AP4S1: variants seen among roughly 807,000 people sequenced by gnomAD.
AP4S1 encodes the protein adaptor related protein complex 4 subunit sigma 1.
In AP4S1, 23 loss-of-function variants were observed where a neutral mutation model predicts 19.8. That is an observed-to-expected ratio of 1.16 (90% CI 0.84 to 1.65). The LOEUF is 1.65. Among genes scored for constraint, AP4S1 ranks in the 40% most tolerant of loss-of-function variants. The probability of loss-of-function intolerance (pLI) is 0.00; values close to 1 mark genes in which losing one functional copy is unlikely to be tolerated. For missense variants in AP4S1, 166 were observed against 172.8 expected (o/e 0.96, Z 0.22); for synonymous variants, 46 against 54.1 (o/e 0.85, Z 0.66).
rs571483532 is a variant in AP4S1, at chr14:31,080,794, T to C, written c.306+210T>C. The C allele has an allele frequency of 1.7e-3, 1,219 of 718,426 alleles. 6 individuals carry two copies. Among genetic ancestry groups the C allele is most frequent in the Middle Eastern group, 8.5e-3 (35 of 4,112 alleles). 44.5% of individuals were successfully genotyped at this position (718,426 alleles called of 1,614,324 possible). ...TCAACAAGGCGATTCTTTTTTTTTCTTTTTAAGATGGAGTTTCGCTCTTCT... is the reference window on the plus strand; with the variant it reads ...TCAACAAGGCGATTCTTTTTTTTTCCTTTTAAGATGGAGTTTCGCTCTTCT... On this transcript the variant is annotated intron_variant, in intron 5 of 5. Coordinates refer to ENST00000542754, the MANE Select transcript of AP4S1 (RefSeq NM_001128126.3).
At chr14:31,063,798 G>T (rs1410337503) in intron 1 of AP4S1, among the ~76,000 whole-genome samples, 1 of 152,130 alleles carries the variant, frequency 6.6e-6, no homozygotes, top group African/African-American at 2.4e-5. Flanking sequence ...ACTAATATTG[G>T]TTTCTTAGTT....
intron 1 of AP4S1, among the ~76,000 whole-genome samples, chr14:31,062,266 T>C (rs903943996): frequency 8.6e-5 from 13 of 151,864 alleles, no homozygotes; most frequent in Non-Finnish European, 1.0e-4. Context: ...GTCCAGCTAA[T>C]TTTTGTATTT....
intron 1 of AP4S1, among the ~76,000 whole-genome samples, chr14:31,063,935 G>A (rs951575365): frequency 6.6e-6 from 1 of 152,044 alleles, no homozygotes; most frequent in Non-Finnish European, 1.5e-5. Flanking sequence ...TTTTGCACTG[G>A]TTCTCACAGA....
intron 1 of AP4S1, among the ~76,000 whole-genome samples, chr14:31,055,140 C>G (rs1410865694): frequency 1.3e-5 from 2 of 150,724 alleles, no homozygotes; most frequent in East Asian, 3.9e-4. Context: ...TATTACATCT[C>G]ACATTTACAT....
intron 1 of AP4S1, among the ~76,000 whole-genome samples, chr14:31,033,503 C>T (rs376006730): frequency 2.6e-4 from 40 of 152,142 alleles, no homozygotes; most frequent in East Asian, 1.4e-3. Context: ...TGAGCCACTC[C>T]GCCCGCCACA....
intron 1 of AP4S1, among the ~76,000 whole-genome samples, chr14:31,039,002 T>C (rs1884938604): frequency 6.6e-6 from 1 of 151,874 alleles, no homozygotes; most frequent in Non-Finnish European, 1.5e-5. Flanking sequence ...GTTTTTTTTT[T>C]TTTTATTGTT....
intron 1 of AP4S1, among the ~76,000 whole-genome samples, chr14:31,056,444 C>G (rs547206227): frequency 2.0e-5 from 3 of 151,766 alleles, no homozygotes; most frequent in Admixed American, 2.0e-4. Context: ...CTGCAACCTC[C>G]GCCTCCTGGG....
Position 31,092,921 on chromosome 14 carries a change from G to T in AP4S1, c.321G>T (p.Leu107Phe). Residue 107 changes from leucine (L) to phenylalanine (F), a missense_variant, in exon 6 of 6, where the codon TTG becomes TTT. Coordinates refer to ENST00000542754, the MANE Select transcript of AP4S1 (RefSeq NM_001128126.3). The part of the protein sequence containing the change: ...RVSELDIMFN[L>F]DKVHIILDEM... ...TATAACCGTAGATAATGTTTAATTT[G>T]GATAAAGTACACATCATTTTGGATG... 1 of 1,531,344 alleles carries T rather than the reference G, an allele frequency of 6.5e-7. No individual in the cohort carries two copies. The highest frequency in any genetic ancestry group is 1.2e-5 in the South Asian group (1 of 80,040). The allele number at this position is 1,531,344 out of a possible 1,614,324, so 94.9% of individuals were successfully genotyped here. A position where few individuals can be genotyped will look rare whatever the true frequency, so the allele number is the denominator to read the frequency against.
intron 5 of AP4S1, among the ~76,000 whole-genome samples, chr14:31,082,766 G>A (rs1168379901): frequency 6.6e-6 from 1 of 152,052 alleles, no homozygotes. Context: ...CGCGGTGGCG[G>A]GCGCCTGTAG....
At chr14:31,074,449 G>A (rs924494524) in intron 4 of AP4S1, among the ~76,000 whole-genome samples, 16 of 152,192 alleles carry the variant, frequency 1.1e-4, no homozygotes, top group East Asian at 5.8e-4. Context: ...TCAGGAGATC[G>A]AGACCACCCT....
chr14:31,065,866 T>C (rs1166106018), intron 1 of AP4S1, among the ~76,000 whole-genome samples: 1 of 152,102 alleles, frequency 6.6e-6, no homozygotes, highest in Admixed American at 6.6e-5. Context: ...TTCACCATGT[T>C]ATCCAGGATG....
intron 5 of AP4S1, chr14:31,084,954 A>G: frequency 6.2e-7 from 1 of 1,608,990 alleles, no homozygotes; most frequent in Non-Finnish European, 8.5e-7. Flanking sequence ...ATCAGTGCGT[A>G]CCTGCTCTAC....
chr14:31,084,964 C>T (rs1020855024), intron 5 of AP4S1: 91 of 1,597,712 alleles, frequency 5.7e-5, no homozygotes, highest in Middle Eastern at 1.7e-4. Flanking sequence ...ACCTGCTCTA[C>T]GCGTGAAGGT....
At chr14:31,058,325 C>G (rs1197611436) in intron 1 of AP4S1, among the ~76,000 whole-genome samples, 1 of 152,132 alleles carries the variant, frequency 6.6e-6, no homozygotes, top group Admixed American at 6.6e-5. Flanking sequence ...CTCTAAGTAA[C>G]CTTAACCTTC....
At chr14:31,043,188 T>C (rs1310076462) in intron 1 of AP4S1, among the ~76,000 whole-genome samples, 2 of 150,984 alleles carry the variant, frequency 1.3e-5, no homozygotes, top group African/African-American at 4.9e-5. Context: ...GCCACTGCAC[T>C]CTAGCCTGGG....
intron 1 of AP4S1, among the ~76,000 whole-genome samples, chr14:31,043,564 T>C (rs1885230982): frequency 6.6e-6 from 1 of 152,208 alleles, no homozygotes; most frequent in Admixed American, 6.5e-5. Flanking sequence ...AAGGAGGTTC[T>C]GGAGTGTTTC....
chr14:31,065,665 T>G (rs1213262510), intron 1 of AP4S1, among the ~76,000 whole-genome samples: 1 of 152,136 alleles, frequency 6.6e-6, no homozygotes, highest in African/African-American at 2.4e-5. Flanking sequence ...TTTTATTTAT[T>G]TATGTATTTT....
intron 1 of AP4S1, among the ~76,000 whole-genome samples, chr14:31,049,428 A>AAAAAAAATAT (rs1384450221): frequency 6.9e-5 from 4 of 57,744 alleles, no homozygotes; most frequent in Non-Finnish European, 8.7e-5. Flanking sequence ...AAAAAAAAAA[A>AAAAAAAATAT]ATATATATAT....
Position 31,093,516 on chromosome 14 carries a change from T to G in AP4S1, c.*481T>G, listed in dbSNP as rs1439763322. 2 of 153,564 alleles carry G rather than the reference T, an allele frequency of 1.3e-5. No individual in the cohort carries two copies. The highest frequency in any genetic ancestry group is 4.8e-5 in the African/African-American group (2 of 41,430). 9.5% of individuals were successfully genotyped at this position (153,564 alleles called of 1,614,324 possible). A position where few individuals can be genotyped will look rare whatever the true frequency, so the allele number is the denominator to read the frequency against. ...AGTCTAGCTGTGTCACCTGGCACATTCTCGGCTCACTGCAACCTCCACTTC... is the reference window on the plus strand; with the variant it reads ...AGTCTAGCTGTGTCACCTGGCACATGCTCGGCTCACTGCAACCTCCACTTC... On this transcript the variant is annotated 3_prime_UTR_variant, in exon 6 of 6. Transcript: ENST00000542754.
Sources: gnomAD v4.1 joint callset for allele counts (sites outside exome capture counted in the v4.1 genomes callset) on GRCh38, gnomAD v4.1.1 for gene constraint, MANE v1.5 for transcripts, NCBI Gene and HGNC (gene_info 2026-07-23, HGNC 2026-07-21) for gene names.